The following TTC28 variants were observed in gnomAD, a reference collection of about 807,000 sequenced individuals.
The protein encoded by TTC28 is tetratricopeptide repeat protein 28.
In TTC28, 61 loss-of-function variants were observed where a neutral mutation model predicts 198.0. That is an observed-to-expected ratio of 0.31 (90% CI 0.25 to 0.38). The LOEUF (loss-of-function observed/expected upper bound fraction) is 0.38, where lower values mean the gene tolerates loss of function less well. Ranked by LOEUF, TTC28 falls within the 10% of genes least tolerant of loss-of-function variation. TTC28 has a pLI of 1.00. For synonymous variants in TTC28, 1,171 were observed against 1,297.8 expected (o/e 0.90, Z 2.10); for missense variants, 2,678 against 3,164.0 (o/e 0.85, Z 3.69).
chr22:28,596,892 A>G (rs1037401370), intron 2 of TTC28, among the ~76,000 whole-genome samples: 1 of 152,194 alleles, frequency 6.6e-6, no homozygotes, highest in South Asian at 2.1e-4. Flanking sequence ...AAGAAACCAG[A>G]ATGAAAAAGT....
intron 5 of TTC28, among the ~76,000 whole-genome samples, chr22:28,284,323 G>A (rs2044639751): frequency 6.6e-6 from 1 of 152,178 alleles, no homozygotes; most frequent in Admixed American, 6.5e-5. Flanking sequence ...TATATGGGAA[G>A]TGCTGTAACT....
At chr22:28,406,013 A>T (rs1463571920) in intron 2 of TTC28, among the ~76,000 whole-genome samples, 1 of 152,240 alleles carries the variant, frequency 6.6e-6, no homozygotes, top group Non-Finnish European at 1.5e-5. Flanking sequence ...GTTGCTGTCT[A>T]ACACCACCAA....
Position 27,992,588 on chromosome 22 carries a change from C to CGGCTCA in TTC28, c.5551_5552insTGAGCC (p.Ser1850_Arg1851insLeuSer). On this transcript the variant is annotated inframe_insertion and splice_region_variant, in exon 19 of 23. Coordinates refer to ENST00000397906, the MANE Select transcript of TTC28 (RefSeq NM_001145418.2). ...CTCAGCCCTCCAGGCTCGACTTACC[C>CGGCTCA]GGCTGATGAGCTGCTCGCCCGTCTC... 1 of 1,551,350 alleles carries CGGCTCA rather than the reference C, an allele frequency of 6.4e-7. No individual in the cohort carries two copies. Among genetic ancestry groups the CGGCTCA allele is most frequent in the Non-Finnish European group, 8.7e-7 (1 of 1,146,930 alleles).
intron 1 of TTC28, among the ~76,000 whole-genome samples, chr22:28,646,411 C>T (rs1407784953): frequency 6.6e-6 from 1 of 152,238 alleles, no homozygotes; most frequent in African/African-American, 2.4e-5. Context: ...ACAGATGACA[C>T]AAACAAATAG....
chr22:28,295,664 G>A (rs1356373938), intron 5 of TTC28, among the ~76,000 whole-genome samples: 1 of 152,034 alleles, frequency 6.6e-6, no homozygotes, highest in African/African-American at 2.4e-5. Flanking sequence ...CTCTAATCAT[G>A]TTACATCTAC....
chr22:28,059,536 T>A (rs1400883557), intron 12 of TTC28, among the ~76,000 whole-genome samples: 1 of 152,050 alleles, frequency 6.6e-6, no homozygotes, highest in African/African-American at 2.4e-5. Context: ...TATAATTAGG[T>A]CAAGGTGATT....
At chr22:28,503,929 T>C (rs1437168963) in intron 2 of TTC28, among the ~76,000 whole-genome samples, 1 of 152,182 alleles carries the variant, frequency 6.6e-6, no homozygotes, top group Non-Finnish European at 1.5e-5. Context: ...GGAGTTGGGC[T>C]CATGAACAAA....
Position 28,005,437 on chromosome 22 carries a change from T to C in TTC28, c.4219-3884A>G, listed in dbSNP as rs971232299. 6.6e-6 allele frequency among the ~76,000 whole-genome samples: 1 copy of C among 152,208 alleles called. No individual in the cohort carries two copies. Among genetic ancestry groups the C allele is most frequent in the African/African-American group, 2.4e-5 (1 of 41,446 alleles). On this transcript the variant is annotated intron_variant, in intron 14 of 22. Coordinates refer to ENST00000397906, the MANE Select transcript of TTC28 (RefSeq NM_001145418.2). This position sits in a 1 kb window ranked among gnomAD's most constrained non-coding sequence, Gnocchi z 4.9. ...GCAGCTGTTGTCAGTTTACTGCCTCTCAGGTCCTGAAGCCCTTGTCACTAT... is the reference window on the plus strand; with the variant it reads ...GCAGCTGTTGTCAGTTTACTGCCTCCCAGGTCCTGAAGCCCTTGTCACTAT...
At chr22:28,145,695 GA>G (rs1943453460) in intron 6 of TTC28, among the ~76,000 whole-genome samples, 1 of 152,154 alleles carries the variant, frequency 6.6e-6, no homozygotes, top group Non-Finnish European at 1.5e-5. Context: ...TATTGTGAAG[GA>G]TAAGAAATGT....
intron 2 of TTC28, among the ~76,000 whole-genome samples, chr22:28,476,182 CTGTA>C (rs1256884193): frequency 2.6e-5 from 4 of 152,194 alleles, no homozygotes; most frequent in Admixed American, 6.5e-5. Context: ...ATTCTTAATG[CTGTA>C]TGTATCATCT....
chr22:28,128,037 C>A (rs899891996), intron 6 of TTC28, among the ~76,000 whole-genome samples: 2 of 152,032 alleles, frequency 1.3e-5, no homozygotes, highest in Non-Finnish European at 2.9e-5. Flanking sequence ...ACACCTTCTT[C>A]ATTTCTAGAT....
intron 2 of TTC28, among the ~76,000 whole-genome samples, chr22:28,338,906 G>A (rs550519768): frequency 3.3e-5 from 5 of 152,084 alleles, no homozygotes; most frequent in African/African-American, 7.2e-5. Context: ...GCTTTGTTCC[G>A]TTCCTGGTAA....
At chr22:28,171,389 T>C (rs184371391) in intron 5 of TTC28, among the ~76,000 whole-genome samples, 17 of 152,236 alleles carry the variant, frequency 1.1e-4, no homozygotes, top group Admixed American at 7.2e-4. Flanking sequence ...GGCAAGTAAT[T>C]TTTCTAAGGG....
chr22:28,517,185 T>C (rs1282115692), intron 2 of TTC28, among the ~76,000 whole-genome samples: 1 of 152,194 alleles, frequency 6.6e-6, no homozygotes, highest in Admixed American at 6.5e-5. Context: ...AGTTAGAGCA[T>C]GGGTGAGAAC....
intron 19 of TTC28, 150 bp from the exon 20 acceptor site, chr22:27,990,962 G>T: frequency 1.3e-6 from 1 of 760,652 alleles, no homozygotes; most frequent in Non-Finnish European, 2.1e-6. Context: ...AGAGGAGCAA[G>T]AGTCAGCAGG....
At chr22:28,316,097 T>G (rs2045346962) in intron 2 of TTC28, among the ~76,000 whole-genome samples, 1 of 152,210 alleles carries the variant, frequency 6.6e-6, no homozygotes, top group African/African-American at 2.4e-5. Context: ...TATTGCTTTA[T>G]TCCGCTTACT....
Position 28,096,017 on chromosome 22 carries a change from T to C in TTC28, c.3766+173A>G, listed in dbSNP as rs180869623. On this transcript the variant is annotated intron_variant, in intron 11 of 22. Transcript: ENST00000397906. The stretch of plus-strand genomic sequence containing the variant: ...TTGGGGAAATGAGAAAGCTGGGCTG[T>C]CTTATTATCTGAATGCCCCACCACG... 2.0e-5 allele frequency among the ~76,000 whole-genome samples: 3 copies of C among 152,332 alleles called. No individual in the cohort carries two copies. In the East Asian group the frequency reaches 5.8e-4, roughly 29 times the overall value.
At chr22:28,470,647 C>T (rs935397585) in intron 2 of TTC28, among the ~76,000 whole-genome samples, 3 of 152,116 alleles carry the variant, frequency 2.0e-5, no homozygotes, top group Non-Finnish European at 4.4e-5. Flanking sequence ...TAAACTGAAT[C>T]AGCATGCGTT....
intron 12 of TTC28, chr22:28,056,395 A>G (rs985180108): frequency 6.6e-6 from 1 of 152,260 alleles, no homozygotes; most frequent in Admixed American, 6.5e-5. Flanking sequence ...CCTGGGCTCA[A>G]GTGGTCCTCC....
Sources: gnomAD v4.1 joint callset for allele counts (sites outside exome capture counted in the v4.1 genomes callset) on GRCh38, gnomAD v4.1.1 for gene constraint, Gnocchi (gnomAD v3.1) non-coding constraint, MANE v1.5 for transcripts, NCBI Gene and HGNC (gene_info 2026-07-23, HGNC 2026-07-21) for gene names.